TXNRD1: variants seen among roughly 807,000 people sequenced by gnomAD.
TXNRD1 encodes thioredoxin reductase 1.
Under a neutral mutation model 80.3 loss-of-function variants are expected in TXNRD1, and 57 were observed. That is an observed-to-expected ratio of 0.71 (90% confidence interval 0.57 to 0.89). The LOEUF is 0.89. TXNRD1 is among the 40% of genes least tolerant of loss of function. The probability of loss-of-function intolerance (pLI) is 0.00; values close to 1 mark genes in which losing one functional copy is unlikely to be tolerated. For missense variants in TXNRD1, 730 were observed against 803.0 expected, an observed-to-expected ratio of 0.91 and a Z score of 1.10; for synonymous variants, 291 against 285.2, an observed-to-expected ratio of 1.02 and a Z score of -0.20.
chr12:104,269,812 G>A (rs544470618), intron 3 of TXNRD1, among the ~76,000 whole-genome samples: 8 of 151,950 alleles, frequency 5.3e-5, no homozygotes, highest in South Asian at 4.2e-4. Flanking sequence ...CTCGTGATCC[G>A]CCTGCCTTGT....
At chr12:104,291,720 G>T (rs1213694093) in intron 4 of TXNRD1, among the ~76,000 whole-genome samples, 2 of 152,166 alleles carry the variant, frequency 1.3e-5, no homozygotes, top group Non-Finnish European at 2.9e-5. Context: ...TTGACGCCGT[G>T]ATCCACCCAC....
chr12:104,293,698 C>T (rs761060108), intron 4 of TXNRD1, among the ~76,000 whole-genome samples: 114 of 150,182 alleles, frequency 7.6e-4, no homozygotes, highest in Non-Finnish European at 1.3e-3. Flanking sequence ...TGGGTCTCTC[C>T]CTGTGTGCGG....
At chr12:104,329,705 A>C (rs1374700891) in intron 13 of TXNRD1, among the ~76,000 whole-genome samples, 5 of 152,122 alleles carry the variant, frequency 3.3e-5, no homozygotes, top group Non-Finnish European at 4.4e-5. Flanking sequence ...TCTGTTGGAC[A>C]TACTCTTCTC....
intron 16 of TXNRD1, among the ~76,000 whole-genome samples, chr12:104,340,045 C>G (rs1401024170): frequency 6.6e-6 from 1 of 152,182 alleles, no homozygotes; most frequent in African/African-American, 2.4e-5. Context: ...CAACTGAACT[C>G]ATTGCTGAGT....
At chr12:104,298,588 G>T (rs964127002) in intron 4 of TXNRD1, among the ~76,000 whole-genome samples, 1 of 152,078 alleles carries the variant, frequency 6.6e-6, no homozygotes, top group African/African-American at 2.4e-5. Flanking sequence ...GCTGGGCGCG[G>T]TGGCACACAC....
chr12:104,325,290 C>T (rs759182953), intron 10 of TXNRD1, 47 bp from the exon 11 acceptor site: 2 of 1,460,018 alleles, frequency 1.4e-6, no homozygotes, highest in South Asian at 1.2e-5. Context: ...GAGAATCCAA[C>T]TTGATAAATG....
intron 3 of TXNRD1, chr12:104,265,672 C>T: frequency 6.2e-7 from 1 of 1,605,206 alleles, no homozygotes; most frequent in East Asian, 2.2e-5. Flanking sequence ...CGCCCGAGCC[C>T]ACTCCATTCA....
intron 3 of TXNRD1, among the ~76,000 whole-genome samples, chr12:104,272,759 T>A (rs2033677498): frequency 6.7e-6 from 1 of 149,012 alleles, no homozygotes; most frequent in Admixed American, 6.7e-5. Flanking sequence ...ACCACTGCAC[T>A]CTAGCCTGGG....
chr12:104,342,603 A>G (rs1411805022), intron 16 of TXNRD1, among the ~76,000 whole-genome samples: 4 of 152,116 alleles, frequency 2.6e-5, no homozygotes, highest in Non-Finnish European at 4.4e-5. Context: ...GGAACTGAAG[A>G]AGACCCTCAA....
intron 16 of TXNRD1, among the ~76,000 whole-genome samples, chr12:104,340,095 G>C (rs1232962142): frequency 2.0e-5 from 3 of 152,156 alleles, no homozygotes; most frequent in Non-Finnish European, 4.4e-5. Context: ...AAACATTTTA[G>C]CTTTCTTTTG....
Position 104,321,084 on chromosome 12 carries a change from C to A in TXNRD1, c.990-7C>A, listed in dbSNP as rs201955747. 1.2e-4 allele frequency: 147 copies of A among 1,250,580 alleles called. No individual in the cohort carries two copies. Among genetic ancestry groups the A allele is most frequent in the Non-Finnish European group, 1.4e-4 (127 of 922,582 alleles). 77.5% of individuals were successfully genotyped at this position (1,250,580 alleles called of 1,614,324 possible). On this transcript the variant is annotated splice_polypyrimidine_tract_variant and splice_region_variant and intron_variant, in intron 9 of 16. Transcript: ENST00000525566. Reference sequence around the variant, plus strand: ...TTCTTTCTTCCTTTTTTTTTTTTTTCCCCCAGTGATGATCTTTTCTCCTTG... The same window carrying A: ...TTCTTTCTTCCTTTTTTTTTTTTTTACCCCAGTGATGATCTTTTCTCCTTG...
At chr12:104,323,810 A>C (rs1468501500) in intron 10 of TXNRD1, among the ~76,000 whole-genome samples, 48 of 121,654 alleles carry the variant, frequency 3.9e-4, no homozygotes, top group Non-Finnish European at 5.4e-4. Context: ...GGGGGGGCTG[A>C]CCCCCCCCCA....
At chr12:104,262,734 C>T (rs1022027872) in intron 3 of TXNRD1, among the ~76,000 whole-genome samples, 2 of 151,312 alleles carry the variant, frequency 1.3e-5, no homozygotes, top group Non-Finnish European at 2.9e-5. Context: ...CAGTAGTATA[C>T]TAGGCAGGTG....
At chr12:104,223,825 G>C (rs1224065522) in intron 1 of TXNRD1, among the ~76,000 whole-genome samples, 2 of 152,188 alleles carry the variant, frequency 1.3e-5, no homozygotes, top group African/African-American at 2.4e-5. Flanking sequence ...GCCAGCTTTG[G>C]GGACCAGTGG....
intron 1 of TXNRD1, among the ~76,000 whole-genome samples, chr12:104,221,924 A>G (rs2032366507): frequency 6.6e-6 from 1 of 152,288 alleles, no homozygotes; most frequent in Admixed American, 6.5e-5. Flanking sequence ...CAGGTAGTAA[A>G]CAGCAGGGAG....
At chr12:104,260,801 C>T (rs574470220) in intron 3 of TXNRD1, among the ~76,000 whole-genome samples, 7 of 152,010 alleles carry the variant, frequency 4.6e-5, no homozygotes, top group South Asian at 2.1e-4. Context: ...AATAACCAAA[C>T]GGAACAATAA....
At chr12:104,230,360 T>C (rs4964251) in intron 1 of TXNRD1, among the ~76,000 whole-genome samples, 143,184 of 152,242 alleles carry the variant, frequency 0.94, 67,387 homozygotes, top group African/African-American at 0.97. Context: ...TGAGCCACTG[T>C]GCCCAGCCAT....
chr12:104,303,951 CAGTG>C, intron 4 of TXNRD1: 13 of 1,599,134 alleles, frequency 8.1e-6, no homozygotes, highest in African/African-American at 1.3e-5. Context: ...ATGGATGTGT[CAGTG>C]AGGGCCGCGG....
chr12:104,267,695 TTCTTTCTCTCTTTCTTTCTTTCTTTC>T (rs2033550416), intron 3 of TXNRD1, among the ~76,000 whole-genome samples: 2 of 34,542 alleles, frequency 5.8e-5, no homozygotes, highest in East Asian at 7.6e-4. Context: ...CTTTCTTTCT[TTCTTTCTCTCTTTCTTTCTTTCTTTC>T]TCTTTCTTTC....
Sources: allele counts gnomAD v4.1 joint callset (sites outside exome capture counted in the v4.1 genomes callset), GRCh38; gene constraint gnomAD v4.1.1; transcripts MANE v1.5; gene names NCBI Gene and HGNC (gene_info 2026-07-23, HGNC 2026-07-21).